The following ABCB7 variants were observed in gnomAD, a reference collection of about 807,000 sequenced individuals.
ABCB7 encodes the protein ATP binding cassette subfamily B member 7, also known as iron-sulfur clusters transporter ABCB7, mitochondrial.
ABCB7 carries 7 observed loss-of-function variants against 54.4 expected under a neutral mutation model. That is an observed-to-expected ratio of 0.13 (90% CI 0.07 to 0.24). The LOEUF (loss-of-function observed/expected upper bound fraction) is 0.24, where lower values mean the gene tolerates loss of function less well. Ranked by LOEUF, ABCB7 falls within the 10% of genes least tolerant of loss-of-function variation. ABCB7 has a pLI of 1.00. For missense variants in ABCB7, 356 were observed against 570.4 expected (o/e 0.62, Z 3.83); for synonymous variants, 218 against 207.1 (o/e 1.05, Z -0.45).
At chrX:75,083,261 G>A (rs1305247007) in intron 4 of ABCB7, among the ~76,000 whole-genome samples, 1 of 111,086 alleles carries the variant, frequency 9.0e-6, no homozygotes, top group Non-Finnish European at 1.9e-5. Context: ...ATACACACCA[G>A]TAGCATACCC....
chrX:75,149,114 A>G (rs902723403), intron 1 of ABCB7, among the ~76,000 whole-genome samples: 15 of 111,526 alleles, frequency 1.3e-4, no homozygotes, highest in African/African-American at 4.2e-4. Context: ...AAACATCAGC[A>G]CCTAAGGAAC....
intron 4 of ABCB7, among the ~76,000 whole-genome samples, chrX:75,079,870 C>T: frequency 8.9e-6 from 1 of 111,973 alleles, no homozygotes; most frequent in East Asian, 2.8e-4. Context: ...CCCCGTTCTA[C>T]CTGCCTCACC....
intron 3 of ABCB7, among the ~76,000 whole-genome samples, chrX:75,101,095 T>C (rs1161210282): frequency 9.0e-6 from 1 of 110,696 alleles, no homozygotes; most frequent in Non-Finnish European, 1.9e-5. Flanking sequence ...AAAGTGTCAA[T>C]AACAGTAGCT....
chrX:75,112,254 T>A (rs368691534), intron 3 of ABCB7, among the ~76,000 whole-genome samples: 26 of 111,633 alleles, frequency 2.3e-4, no homozygotes, highest in African/African-American at 8.4e-4. Context: ...AACATGTATA[T>A]ACTGATTGGG....
intron 4 of ABCB7, among the ~76,000 whole-genome samples, chrX:75,082,885 A>C (rs2081467250): frequency 9.0e-6 from 1 of 111,689 alleles, no homozygotes; most frequent in Non-Finnish European, 1.9e-5. Context: ...TTCAAATAAC[A>C]TAAAAGGTGA....
At chrX:75,119,209 G>T (rs745389630) in intron 1 of ABCB7, among the ~76,000 whole-genome samples, 1 of 112,303 alleles carries the variant, frequency 8.9e-6, no homozygotes, top group African/African-American at 3.2e-5. Flanking sequence ...CAAAGATAGT[G>T]AAATGAGTTT....
chrX:75,109,097 C>A (rs1043866267), intron 3 of ABCB7, among the ~76,000 whole-genome samples: 1 of 111,529 alleles, frequency 9.0e-6, no homozygotes, highest in African/African-American at 3.3e-5. Context: ...ACTGGAAGTA[C>A]CAAACTCAGT....
intron 3 of ABCB7, among the ~76,000 whole-genome samples, chrX:75,104,743 A>T (rs760479310): frequency 9.0e-6 from 1 of 111,378 alleles, no homozygotes; most frequent in Non-Finnish European, 1.9e-5. Flanking sequence ...AAACAACCCA[A>T]AACAAAACAA....
chrX:75,125,242 G>A (rs752530160), intron 1 of ABCB7, among the ~76,000 whole-genome samples: 2 of 111,177 alleles, frequency 1.8e-5, no homozygotes, highest in South Asian at 3.8e-4. Flanking sequence ...GATACAAGCC[G>A]TCCATAAGTA....
chrX:75,121,856 G>A (rs1485401076), intron 1 of ABCB7, among the ~76,000 whole-genome samples: 1 of 111,623 alleles, frequency 9.0e-6, no homozygotes, highest in African/African-American at 3.3e-5. Context: ...GTTATGAATG[G>A]CCCTCAACAC....
At chrX:75,112,604 T>C (rs1232152451) in intron 3 of ABCB7, among the ~76,000 whole-genome samples, 1 of 111,725 alleles carries the variant, frequency 9.0e-6, no homozygotes, top group African/African-American at 3.2e-5. Flanking sequence ...GCTTACTTAT[T>C]ATAAGGCTAA....
chrX:75,137,813 C>G (rs1042559152), intron 1 of ABCB7, among the ~76,000 whole-genome samples: 3 of 111,575 alleles, frequency 2.7e-5, no homozygotes, highest in East Asian at 2.8e-4. Flanking sequence ...TAAGTGAGAG[C>G]TGAACATTGA....
At chrX:75,065,274 A>G (rs756088793) in intron 12 of ABCB7, 33 bp from the exon 13 acceptor site, 90 of 1,065,390 alleles carry the variant, frequency 8.4e-5, no homozygotes, top group Non-Finnish European at 8.2e-5. Flanking sequence ...ATATATATCT[A>G]TATCTATATA....
chrX:75,122,488 G>A (rs2081888273), intron 1 of ABCB7, among the ~76,000 whole-genome samples: 1 of 112,886 alleles, frequency 8.9e-6, no homozygotes, highest in Non-Finnish European at 1.9e-5. Context: ...ACATGGGCAT[G>A]CAGACATCTC....
chrX:75,084,727 A>G (rs1316032427), intron 4 of ABCB7, among the ~76,000 whole-genome samples: 1 of 112,087 alleles, frequency 8.9e-6, no homozygotes, highest in Non-Finnish European at 1.9e-5. Context: ...TGCAAATCAT[A>G]TATCTGGTAA....
At chrX:75,145,439 A>C (rs1288120579) in intron 1 of ABCB7, among the ~76,000 whole-genome samples, 1 of 112,140 alleles carries the variant, frequency 8.9e-6, no homozygotes, top group Non-Finnish European at 1.9e-5. Context: ...CCAAATCAAT[A>C]AATGTGATTC....
chrX:75,128,559 ACAC>A (rs1396538660), intron 1 of ABCB7, among the ~76,000 whole-genome samples: 1 of 112,166 alleles, frequency 8.9e-6, no homozygotes, highest in Admixed American at 9.4e-5. Flanking sequence ...CATGACTAAA[ACAC>A]CAAAAGCAAA....
chrX:75,127,093 G>C (rs2147546433), intron 1 of ABCB7, among the ~76,000 whole-genome samples: 1 of 111,517 alleles, frequency 9.0e-6, no homozygotes, highest in African/African-American at 3.3e-5. Flanking sequence ...AAACCTGGCA[G>C]AGACACAACA....
intron 13 of ABCB7, chrX:75,062,709 T>C: frequency 3.4e-6 from 1 of 298,328 alleles, no homozygotes. Context: ...TCTACTATTA[T>C]TCTTCTACCA....
Sources: gnomAD v4.1 joint callset for allele counts (sites outside exome capture counted in the v4.1 genomes callset) on GRCh38, gnomAD v4.1.1 for gene constraint, MANE v1.5 for transcripts, NCBI Gene and HGNC (gene_info 2026-07-23, HGNC 2026-07-21) for gene names.